SCIN: variants seen among roughly 807,000 people sequenced by gnomAD.
SCIN encodes scinderin.
SCIN carries 91 observed loss-of-function variants against 91.8 expected under a neutral mutation model. The observed-to-expected ratio is 0.99, with a 90% CI of 0.84 to 1.18. The LOEUF is 1.18. SCIN is among the 50% of genes most tolerant of loss of function. The pLI is 0.00. For synonymous variants in SCIN, 367 were observed against 312.6 expected (o/e 1.17, Z -1.84); for missense variants, 1,087 against 863.9 (o/e 1.26, Z -3.24).
At chr7:12,616,573 C>A (rs555760117) in intron 4 of SCIN, among the ~76,000 whole-genome samples, 2 of 152,248 alleles carry the variant, frequency 1.3e-5, no homozygotes, top group Non-Finnish European at 2.9e-5. Flanking sequence ...AAACACTGCA[C>A]TGAAAGTTAG....
At chr7:12,584,142 A>C (rs1248002695) in intron 3 of SCIN, among the ~76,000 whole-genome samples, 2 of 152,176 alleles carry the variant, frequency 1.3e-5, no homozygotes, top group African/African-American at 2.4e-5. Flanking sequence ...ATCTTGAACT[A>C]CCTTGGCAAC....
At chr7:12,635,652 GACAAA>G (rs1783736389) in intron 9 of SCIN, among the ~76,000 whole-genome samples, 1 of 38,714 alleles carries the variant, frequency 2.6e-5, no homozygotes, top group Non-Finnish European at 5.6e-5. Context: ...AGGCAAGAAA[GACAAA>G]ATGCCCCTAA....
chr7:12,649,012 T>C (rs1784025032), intron 13 of SCIN, among the ~76,000 whole-genome samples: 1 of 152,146 alleles, frequency 6.6e-6, no homozygotes, highest in Non-Finnish European at 1.5e-5. Context: ...TGGTTACAGA[T>C]TGCTATGAAT....
chr7:12,649,833 T>A (rs6975496), intron 14 of SCIN, among the ~76,000 whole-genome samples: 8,070 of 152,254 alleles, frequency 0.053, 685 homozygotes, highest in African/African-American at 0.18. Context: ...TGTTTATAAT[T>A]CATTTAACTA....
chr7:12,656,418 CTAATT>C lies in SCIN; in HGVS notation c.*3706_*3710del. The stretch of plus-strand genomic sequence containing the variant: ...TAAACCTAATTTATTTATTTTAAAC[CTAATT>C]TATTTTAAACCTAATTTATTTATTT... On this transcript the variant is annotated 3_prime_UTR_variant, in exon 16 of 16. Coordinates refer to ENST00000297029, the MANE Select transcript of SCIN (RefSeq NM_001112706.3). The C allele has an allele frequency of 6.6e-6, 1 of 152,032 alleles. No individual in the cohort carries two copies. Among genetic ancestry groups the C allele is most frequent in the Non-Finnish European group, 1.5e-5 (1 of 67,978 alleles). 9.4% of individuals were successfully genotyped at this position (152,032 alleles called of 1,614,324 possible).
chr7:12,622,682 G>A lies in SCIN; in HGVS notation c.667-119G>A, dbSNP rs143457589. ...GTATGCATTGATGAGAAGTGTTTGAGCCTGGTCATTTTAATTGCAAATATT... is the reference window on the plus strand; with the variant it reads ...GTATGCATTGATGAGAAGTGTTTGAACCTGGTCATTTTAATTGCAAATATT... On this transcript the variant is annotated intron_variant, in intron 4 of 15. Coordinates refer to ENST00000297029, the MANE Select transcript of SCIN (RefSeq NM_001112706.3). The A allele has an allele frequency of 3.6e-4, 250 of 696,778 alleles. 2 individuals carry two copies. In the African/African-American group the frequency reaches 3.8e-3, roughly 11 times the overall value. The allele number at this position is 696,778 out of a possible 1,614,324, so 43.2% of individuals were successfully genotyped here. A position where few individuals can be genotyped will look rare whatever the true frequency, so the allele number is the denominator to read the frequency against.
Position 12,652,761 on chromosome 7 carries a change from C to G in SCIN, c.*46C>G. The G allele has an allele frequency of 6.4e-7, 1 of 1,572,356 alleles. No individual in the cohort carries two copies. The highest frequency in any genetic ancestry group is 2.3e-5 in the East Asian group (1 of 42,566). On this transcript the variant is annotated 3_prime_UTR_variant, in exon 16 of 16. Coordinates refer to ENST00000297029, the MANE Select transcript of SCIN (RefSeq NM_001112706.3). ...AACAAACATTACAAGGCAGTTATCT[C>G]ATTGCTGTTTTGGGAGAGGAACGGG...
chr7:12,604,482 T>C (rs771771602), intron 3 of SCIN, 32 bp from the exon 4 acceptor site: 39 of 1,546,674 alleles, frequency 2.5e-5, no homozygotes, highest in South Asian at 2.4e-5. Flanking sequence ...CCTCATATTC[T>C]TAGGGTCAAC....
At position 12,651,988 on chromosome 7, in the gene SCIN, A is replaced by G; in HGVS notation, c.2020+87A>G. Reference sequence around the variant, plus strand: ...CTTGCTCTTTGCCACCATGTCTTACAAAAATACATTTCAAAATCAAGAAGT... The same window carrying G: ...CTTGCTCTTTGCCACCATGTCTTACGAAAATACATTTCAAAATCAAGAAGT... On this transcript the variant is annotated intron_variant, in intron 15 of 15. Coordinates refer to ENST00000297029, the MANE Select transcript of SCIN (RefSeq NM_001112706.3). The surrounding 1 kb of genome is among the most constrained non-coding windows in gnomAD (Gnocchi z 5.9). 1 of 831,464 alleles carries G rather than the reference A, an allele frequency of 1.2e-6. No homozygotes were observed. Among genetic ancestry groups the G allele is most frequent in the South Asian group, 1.7e-5 (1 of 59,906 alleles). The allele number at this position is 831,464 out of a possible 1,614,324, so 51.5% of individuals were successfully genotyped here.
Position 12,654,887 on chromosome 7 carries a change from AAAG to A in SCIN, c.*2178_*2180del, listed in dbSNP as rs1197129401. On this transcript the variant is annotated 3_prime_UTR_variant, in exon 16 of 16. Transcript: ENST00000297029. ...GTTTTAACCTGCCCAAAGGATGGAA[AAAG>A]AAGAACATAAGCATAATTTCTGAAT... 1 of 152,214 alleles carries A rather than the reference AAAG, an allele frequency of 6.6e-6. No individual in the cohort carries two copies. Among genetic ancestry groups the A allele is most frequent in the African/African-American group, 2.4e-5 (1 of 41,466 alleles). 9.4% of individuals were successfully genotyped at this position (152,214 alleles called of 1,614,324 possible).
At position 12,651,586 on chromosome 7, in the gene SCIN, G is replaced by A. The variant is rs1387441245; in HGVS notation, c.1960-255G>A. 1.3e-5 allele frequency among the ~76,000 whole-genome samples: 2 copies of A among 151,356 alleles called. No homozygotes were observed. The highest frequency in any genetic ancestry group is 2.9e-5 in the Non-Finnish European group (2 of 67,932). On this transcript the variant is annotated intron_variant, in intron 14 of 15. Transcript: ENST00000297029. The surrounding 1 kb of genome is among the most constrained non-coding windows in gnomAD (Gnocchi z 5.9). ...GAAAGATCACTTTACAAACTAGAAAGTACCATGTAAACATAAAATATCCAA... is the reference window on the plus strand; with the variant it reads ...GAAAGATCACTTTACAAACTAGAAAATACCATGTAAACATAAAATATCCAA...
chr7:12,633,372 A>G (rs556941110), intron 9 of SCIN, among the ~76,000 whole-genome samples: 23 of 152,322 alleles, frequency 1.5e-4, no homozygotes, highest in African/African-American at 5.5e-4. Flanking sequence ...TTTATAAAGA[A>G]AAAATATGTC....
At chr7:12,604,730 G>GTA (rs1266834450) in intron 4 of SCIN, 67 bp downstream of exon 4, 1 of 1,396,794 alleles carries the variant, frequency 7.2e-7, no homozygotes, top group African/African-American at 1.4e-5. Flanking sequence ...TGTGGTGTGT[G>GTA]TGTGTGTGTA....
At chr7:12,588,364 G>C (rs185350538) in intron 3 of SCIN, among the ~76,000 whole-genome samples, 1 of 152,352 alleles carries the variant, frequency 6.6e-6, no homozygotes, top group East Asian at 1.9e-4. Flanking sequence ...ACACAAGTAA[G>C]AGGATGACAA....
intron 3 of SCIN, 88 bp downstream of exon 3, chr7:12,581,309 C>T: frequency 3.0e-6 from 4 of 1,346,718 alleles, no homozygotes; most frequent in Non-Finnish European, 4.0e-6. Context: ...AAAAGAATCA[C>T]TTTTTCTACA....
intron 3 of SCIN, among the ~76,000 whole-genome samples, chr7:12,586,544 T>C (rs548996343): frequency 1.3e-5 from 2 of 151,976 alleles, no homozygotes; most frequent in African/African-American, 4.8e-5. Context: ...AAAATAAAAA[T>C]AGAACTACCA....
intron 5 of SCIN, among the ~76,000 whole-genome samples, chr7:12,623,676 T>C (rs974785819): frequency 7.9e-5 from 12 of 152,152 alleles, no homozygotes; most frequent in Admixed American, 7.9e-4. Context: ...CCATGCAGAA[T>C]TTAGTAGTTT....
At chr7:12,628,672 T>C (rs899403083) in intron 8 of SCIN, among the ~76,000 whole-genome samples, 2 of 152,130 alleles carry the variant, frequency 1.3e-5, no homozygotes, top group African/African-American at 4.8e-5. Context: ...TATCAAGTTT[T>C]GCCTGGGAAA....
At position 12,634,273 on chromosome 7, in the gene SCIN, G is replaced by A. The variant is rs572447402; in HGVS notation, c.1320-1772G>A. Among the ~76,000 whole-genome samples, 6 of 152,126 alleles carry A rather than the reference G, an allele frequency of 3.9e-5. No homozygotes were observed. In the East Asian group the frequency reaches 1.2e-3, roughly 30 times the overall value. On this transcript the variant is annotated intron_variant, in intron 9 of 15. Coordinates refer to ENST00000297029, the MANE Select transcript of SCIN (RefSeq NM_001112706.3). ...GGCCGAGGCAGGTGGATCACCTGAG[G>A]TCAGGAGTTTGAGACCAGCCTGACC...
Sources: allele counts gnomAD v4.1 joint callset (sites outside exome capture counted in the v4.1 genomes callset), GRCh38; gene constraint gnomAD v4.1.1; non-coding constraint Gnocchi (gnomAD v3.1); transcripts MANE v1.5; gene names NCBI Gene and HGNC (gene_info 2026-07-23, HGNC 2026-07-21).